Variants in UBR3 observed in about 807,000 individuals in gnomAD.
UBR3 encodes the protein ubiquitin protein ligase E3 component n-recognin 3.
UBR3 carries 85 observed loss-of-function variants against 243.2 expected under a neutral mutation model. The observed-to-expected ratio is 0.35, with a 90% CI of 0.29 to 0.42. The LOEUF is 0.42. Among genes scored for constraint, UBR3 ranks in the 10% least tolerant of loss-of-function variants. The pLI is 1.00. For synonymous variants in UBR3, 748 were observed against 799.8 expected (o/e 0.94, Z 1.09); for missense variants, 1,686 against 2,300.8 (o/e 0.73, Z 5.47).
chr2:169,906,303 C>G lies in UBR3; in HGVS notation c.1779+139C>G, dbSNP rs1319957460. 3.9e-6 allele frequency: 4 copies of G among 1,021,028 alleles called. No individual in the cohort carries two copies. The East Asian group carries it at 8.8e-5, about 23-fold the overall frequency. The allele number at this position is 1,021,028 out of a possible 1,614,324, so 63.2% of individuals were successfully genotyped here. ...CAGCTTTATGAAAACTGACCTGAGA[C>G]AGTAATTTTCATTCTTAGGCAGTTT... On this transcript the variant is annotated intron_variant, in intron 10 of 38. Coordinates refer to ENST00000272793, the MANE Select transcript of UBR3 (RefSeq NM_172070.4).
chr2:169,928,617 C>T (rs1364998818), intron 17 of UBR3, 110 bp from the exon 18 acceptor site: 2 of 789,190 alleles, frequency 2.5e-6, no homozygotes, highest in Non-Finnish European at 1.8e-6. Flanking sequence ...TTGTATATTA[C>T]AACCAATTAC....
At chr2:169,870,693 AC>A (rs1237978779) in intron 1 of UBR3, among the ~76,000 whole-genome samples, 3 of 151,686 alleles carry the variant, frequency 2.0e-5, no homozygotes, top group Non-Finnish European at 4.4e-5. Context: ...TCACTTAGTC[AC>A]CCAGGCTGGA....
intron 1 of UBR3, among the ~76,000 whole-genome samples, chr2:169,870,722 T>C (rs2083407867): frequency 6.6e-6 from 1 of 151,878 alleles, no homozygotes; most frequent in African/African-American, 2.4e-5. Flanking sequence ...GGCACGGTCT[T>C]GGCTCACTGC....
At chr2:169,945,014 G>A (rs1454012164) in intron 20 of UBR3, among the ~76,000 whole-genome samples, 1 of 151,932 alleles carries the variant, frequency 6.6e-6, no homozygotes, top group Non-Finnish European at 1.5e-5. Flanking sequence ...TCACATCATT[G>A]GCACCACCCA....
At chr2:169,915,196 C>A (rs1273026403) in intron 11 of UBR3, among the ~76,000 whole-genome samples, 1 of 151,844 alleles carries the variant, frequency 6.6e-6, no homozygotes, top group Non-Finnish European at 1.5e-5. Context: ...TAATCTCCTT[C>A]TGGGACATTT....
intron 1 of UBR3, among the ~76,000 whole-genome samples, chr2:169,856,380 C>G (rs1385685960): frequency 6.6e-6 from 1 of 151,842 alleles, no homozygotes; most frequent in Non-Finnish European, 1.5e-5. Context: ...CTCCTCACAT[C>G]CCAGACGATG....
intron 1 of UBR3, among the ~76,000 whole-genome samples, chr2:169,839,784 A>T (rs978451502): frequency 6.6e-6 from 1 of 152,256 alleles, no homozygotes; most frequent in African/African-American, 2.4e-5. Flanking sequence ...AAAACTCAGT[A>T]AGGCAAACAA....
chr2:170,030,531 T>TAA (rs2090640892), intron 31 of UBR3, among the ~76,000 whole-genome samples: 1 of 152,150 alleles, frequency 6.6e-6, no homozygotes, highest in South Asian at 2.1e-4. Flanking sequence ...TTTTTTCTCT[T>TAA]AAAGTCTTGA....
At chr2:169,965,912 T>G (rs781321511) in intron 24 of UBR3, among the ~76,000 whole-genome samples, 2 of 152,166 alleles carry the variant, frequency 1.3e-5, no homozygotes, top group Non-Finnish European at 2.9e-5. Context: ...TAACAAAAAT[T>G]CTAATGTAGA....
intron 32 of UBR3, among the ~76,000 whole-genome samples, chr2:170,045,052 T>C (rs532762586): frequency 1.4e-4 from 21 of 152,268 alleles, no homozygotes; most frequent in Middle Eastern, 3.4e-3. Context: ...TTCATGCTGA[T>C]AATAAAGACA....
intron 30 of UBR3, among the ~76,000 whole-genome samples, chr2:170,022,942 ATGGCTGATTTCT>A (rs1368320627): frequency 1.2e-4 from 18 of 152,084 alleles, no homozygotes; most frequent in African/African-American, 3.4e-4. Flanking sequence ...CCATCTCTTC[ATGGCTGATTTCT>A]CAGGGACATA....
chr2:170,003,437 A>T (rs2089785767), intron 27 of UBR3, among the ~76,000 whole-genome samples: 1 of 147,998 alleles, frequency 6.8e-6, no homozygotes, highest in Admixed American at 6.8e-5. Flanking sequence ...TAAACACATT[A>T]TGCATTTTTC....
At chr2:169,860,050 C>G (rs539884456) in intron 1 of UBR3, among the ~76,000 whole-genome samples, 1 of 152,168 alleles carries the variant, frequency 6.6e-6, no homozygotes, top group East Asian at 1.9e-4. Context: ...TGATACAGTT[C>G]TATTATATAT....
intron 26 of UBR3, among the ~76,000 whole-genome samples, chr2:169,997,970 A>T (rs965567473): frequency 3.0e-4 from 44 of 148,746 alleles, no homozygotes; most frequent in African/African-American, 1.1e-3. Context: ...TGTGGTTTGG[A>T]GGTTGGGTTT....
chr2:169,899,171 G>A (rs191357013), intron 8 of UBR3, among the ~76,000 whole-genome samples: 2,133 of 151,354 alleles, frequency 0.014, 22 homozygotes, highest in Non-Finnish European at 0.021. Flanking sequence ...GTAGAGACAG[G>A]GTTTCACTGC....
intron 1 of UBR3, among the ~76,000 whole-genome samples, chr2:169,866,883 A>G (rs1354921771): frequency 6.6e-6 from 1 of 152,226 alleles, no homozygotes; most frequent in East Asian, 1.9e-4. Flanking sequence ...AACAATTGAA[A>G]GACCTACCTG....
chr2:169,921,366 G>T (rs1442043423), intron 11 of UBR3, among the ~76,000 whole-genome samples: 1 of 152,170 alleles, frequency 6.6e-6, no homozygotes, highest in Non-Finnish European at 1.5e-5. Context: ...TCACATAGAA[G>T]ACTATAGAGT....
chr2:169,857,064 G>GTCTTTTTTT (rs2082901630), intron 1 of UBR3, among the ~76,000 whole-genome samples: 1 of 56,082 alleles, frequency 1.8e-5, no homozygotes, highest in East Asian at 8.7e-4. Context: ...ATTTTATTAT[G>GTCTTTTTTT]TTTTTTTTTT....
rs559194907 is a variant in UBR3 at position 170,026,549 on chromosome 2, A to G, written c.4454-2797A>G. ...GTTTAAAGACACATGGCTAGTACAGACTTGGATTGAATCCAGGACTTCCTG... is the reference window on the plus strand; with the variant it reads ...GTTTAAAGACACATGGCTAGTACAGGCTTGGATTGAATCCAGGACTTCCTG... On this transcript the variant is annotated intron_variant, in intron 30 of 38. Coordinates refer to ENST00000272793, the MANE Select transcript of UBR3 (RefSeq NM_172070.4). 1.7e-4 allele frequency among the ~76,000 whole-genome samples: 26 copies of G among 152,260 alleles called. 2 individuals carry two copies. The South Asian group carries it at 4.6e-3, about 27-fold the overall frequency.
Sources: gnomAD v4.1 joint callset for allele counts (sites outside exome capture counted in the v4.1 genomes callset) on GRCh38, gnomAD v4.1.1 for gene constraint, MANE v1.5 for transcripts, NCBI Gene and HGNC (gene_info 2026-07-23, HGNC 2026-07-21) for gene names.